Variants in PALLD observed in about 807,000 individuals in gnomAD.
The protein encoded by PALLD is palladin, cytoskeletal associated protein, also known as palladin.
A neutral mutation model predicts 123.5 loss-of-function variants in PALLD; 61 were observed. The ratio of observed to expected loss-of-function variants is 0.49; its 90% CI spans 0.40 to 0.61. The LOEUF is 0.61. PALLD is among the 20% of genes least tolerant of loss of function. The probability of loss-of-function intolerance (pLI) is 0.00; values close to 1 mark genes in which losing one functional copy is unlikely to be tolerated. For missense variants in PALLD, 1,273 were observed against 1,377.0 expected, an observed-to-expected ratio of 0.92 and a Z score of 1.20; for synonymous variants, 465 against 496.4, an observed-to-expected ratio of 0.94 and a Z score of 0.84.
chr4:168,565,805 G>T (rs971183175), intron 2 of PALLD, among the ~76,000 whole-genome samples: 2 of 152,070 alleles, frequency 1.3e-5, no homozygotes, highest in African/African-American at 4.8e-5. Flanking sequence ...TGAATTGAAA[G>T]GTAAAGCTGT....
chr4:168,528,383 A>G (rs1764274657), intron 2 of PALLD, among the ~76,000 whole-genome samples: 3 of 152,220 alleles, frequency 2.0e-5, no homozygotes, highest in South Asian at 4.1e-4. Context: ...AAAGAATCAC[A>G]TTGATGTGAA....
chr4:168,506,813 C>T (rs780095847), intron 1 of PALLD, among the ~76,000 whole-genome samples: 4 of 152,042 alleles, frequency 2.6e-5, no homozygotes, highest in Admixed American at 6.6e-5. Flanking sequence ...TTGCATACAC[C>T]GAAAGTGCTG....
chr4:168,668,047 AT>A, intron 2 of PALLD, 142 bp from the exon 3 acceptor site: 1 of 699,250 alleles, frequency 1.4e-6, no homozygotes, highest in Non-Finnish European at 2.5e-6. Flanking sequence ...TAGAGTTTCC[AT>A]TAGTAACACT....
At chr4:168,925,530 T>C (rs1762408727) in intron 21 of PALLD, 1 of 493,610 alleles carries the variant, frequency 2.0e-6, no homozygotes, top group Non-Finnish European at 3.7e-6. Flanking sequence ...ATGCGTACTT[T>C]TGTGGCTTAG....
At chr4:168,562,793 A>G (rs1482314841) in intron 2 of PALLD, among the ~76,000 whole-genome samples, 1 of 152,166 alleles carries the variant, frequency 6.6e-6, no homozygotes, top group Non-Finnish European at 1.5e-5. Flanking sequence ...GGCCGTGGAA[A>G]GGAGGTTGGC....
At chr4:168,500,734 G>C (rs1351974954) in intron 1 of PALLD, among the ~76,000 whole-genome samples, 1 of 152,054 alleles carries the variant, frequency 6.6e-6, no homozygotes, top group Admixed American at 6.6e-5. Flanking sequence ...CATAGAGCTG[G>C]CTTTCAGGTA....
intron 10 of PALLD, among the ~76,000 whole-genome samples, chr4:168,834,343 TA>T (rs1314717651): frequency 6.6e-6 from 1 of 152,318 alleles, no homozygotes; most frequent in African/African-American, 2.4e-5. Context: ...ACCACTGACT[TA>T]GTAAACAATA....
At chr4:168,705,962 TGAA>T (rs1394023341) in intron 8 of PALLD, among the ~76,000 whole-genome samples, 55 of 152,224 alleles carry the variant, frequency 3.6e-4, no homozygotes, top group African/African-American at 1.3e-3. Flanking sequence ...CATAAATGGA[TGAA>T]TACTTAATAT....
At chr4:168,811,828 AAC>A (rs1741207472) in intron 10 of PALLD, among the ~76,000 whole-genome samples, 1 of 151,020 alleles carries the variant, frequency 6.6e-6, no homozygotes, top group South Asian at 2.1e-4. Flanking sequence ...AATTGAGAGA[AAC>A]AGGAAATTTT....
At chr4:168,902,267 A>G (rs184112332) in intron 14 of PALLD, among the ~76,000 whole-genome samples, 1 of 152,286 alleles carries the variant, frequency 6.6e-6, no homozygotes, top group East Asian at 1.9e-4. Flanking sequence ...TTTGTTAGGA[A>G]TCAGGAATAC....
At chr4:168,607,798 T>C (rs955087724) in intron 2 of PALLD, among the ~76,000 whole-genome samples, 17 of 151,292 alleles carry the variant, frequency 1.1e-4, no homozygotes, top group African/African-American at 4.1e-4. Flanking sequence ...GAAAAGAAAA[T>C]CCACCTGAGC....
At chr4:168,590,109 G>A (rs926536642) in intron 2 of PALLD, among the ~76,000 whole-genome samples, 5 of 152,192 alleles carry the variant, frequency 3.3e-5, no homozygotes, top group Non-Finnish European at 5.9e-5. Flanking sequence ...AGGCCAAGGC[G>A]GGGGGATCAC....
chr4:168,499,180 CAAAAAAAAAAAAAAAA>C (rs1157137965), intron 1 of PALLD, among the ~76,000 whole-genome samples: 14 of 16,378 alleles, frequency 8.5e-4, no homozygotes, highest in Non-Finnish European at 1.3e-3. Context: ...CCCTTTGTAG[CAAAAAAAAAAAAAAAA>C]AAAAAAAAAA....
rs372453361 is a variant in PALLD, at chr4:168,832,354, C to G, written c.1965-58568C>G. On this transcript the variant is annotated intron_variant, in intron 10 of 21. Coordinates refer to ENST00000505667, the MANE Select transcript of PALLD (RefSeq NM_001166108.2). ...GTTCCTTCCCGAGCCCTCTCCCTCC[C>G]CCGGCCCGCGGGAGCACAGATCCCT... 2.1e-3 allele frequency among the ~76,000 whole-genome samples: 316 copies of G among 151,992 alleles called. 1 individual carries two copies. Among genetic ancestry groups the G allele is most frequent in the African/African-American group, 6.3e-3 (260 of 41,466 alleles).
At chr4:168,720,610 G>A (rs758042469) in intron 10 of PALLD, among the ~76,000 whole-genome samples, 36 of 152,160 alleles carry the variant, frequency 2.4e-4, no homozygotes, top group Non-Finnish European at 4.4e-4. Context: ...GGCTATGCGG[G>A]TATGAACTCT....
chr4:168,724,491 A>T (rs944982404), intron 10 of PALLD, among the ~76,000 whole-genome samples: 38 of 152,192 alleles, frequency 2.5e-4, no homozygotes, highest in Non-Finnish European at 4.4e-5. Context: ...TACCTGACTA[A>T]AGTGATGATT....
At chr4:168,925,520 ATGCG>A in intron 21 of PALLD, 1 of 503,872 alleles carries the variant, frequency 2.0e-6, no homozygotes, top group East Asian at 3.6e-5. Context: ...TGATCCTGGA[ATGCG>A]TACTTTTGTG....
intron 2 of PALLD, among the ~76,000 whole-genome samples, chr4:168,612,491 G>T (rs145786307): frequency 6.6e-6 from 1 of 152,182 alleles, no homozygotes; most frequent in Non-Finnish European, 1.5e-5. Context: ...GCTCCAATCT[G>T]TCCAGCAGCT....
At position 168,891,159 on chromosome 4, in the gene PALLD, CATTATT is replaced by C. The variant is rs532522787; in HGVS notation, c.2100+115_2100+120del. On this transcript the variant is annotated intron_variant, in intron 11 of 21. Coordinates refer to ENST00000505667, the MANE Select transcript of PALLD (RefSeq NM_001166108.2). ...TCTTGATATTTGTCCACAACATCATCATTATTATTATTATTATTTTTGAGACAGGGT... is the reference window on the plus strand; with the variant it reads ...TCTTGATATTTGTCCACAACATCATCATTATTATTATTTTTGAGACAGGGT... 26 of 1,136,808 alleles carry C rather than the reference CATTATT, an allele frequency of 2.3e-5. 2 individuals are homozygous for C. Among genetic ancestry groups the C allele is most frequent in the South Asian group, 2.1e-4 (16 of 78,030 alleles). The allele number at this position is 1,136,808 out of a possible 1,614,324, so 70.4% of individuals were successfully genotyped here.
Sources: allele counts gnomAD v4.1 joint callset (sites outside exome capture counted in the v4.1 genomes callset), GRCh38; gene constraint gnomAD v4.1.1; transcripts MANE v1.5; gene names NCBI Gene and HGNC (gene_info 2026-07-23, HGNC 2026-07-21).